The following CCDC40 variants were observed in gnomAD, a reference collection of about 807,000 sequenced individuals.
CCDC40 encodes coiled-coil domain 40 molecular ruler complex subunit.
In CCDC40, 104 loss-of-function variants were observed where a neutral mutation model predicts 124.5. That is an observed-to-expected ratio of 0.84 (90% CI 0.71 to 0.98). CCDC40 has a LOEUF of 0.98. Ranked by LOEUF, CCDC40 falls within the 50% of genes least tolerant of loss-of-function variation. The pLI is 0.00. For missense variants in CCDC40, 1,463 were observed against 1,503.9 expected (o/e 0.97, Z 0.45); for synonymous variants, 580 against 602.9 (o/e 0.96, Z 0.56).
At chr17:80,065,001 CCCT>C (rs1349142242) in intron 9 of CCDC40, among the ~76,000 whole-genome samples, 2 of 151,336 alleles carry the variant, frequency 1.3e-5, no homozygotes, top group East Asian at 3.9e-4. Flanking sequence ...GGCCAGGATC[CCCT>C]CCTCCTCTCC....
chr17:80,085,052 C>T, intron 13 of CCDC40, 64 bp downstream of exon 13: 1 of 1,587,182 alleles, frequency 6.3e-7, no homozygotes, highest in Non-Finnish European at 8.6e-7. Context: ...GGCAGAGCCC[C>T]CTCAGATCCC....
rs2038889665 is a variant in CCDC40, at chr17:80,099,892, A to G, written c.*117A>G. Reference sequence around the variant, plus strand: ...AAACCACATGTACCCTCAGAAGGGCATCGTTTAAGAGAAATAAGCCAGCCC... The same window carrying G: ...AAACCACATGTACCCTCAGAAGGGCGTCGTTTAAGAGAAATAAGCCAGCCC... On this transcript the variant is annotated 3_prime_UTR_variant, in exon 20 of 20. Transcript: ENST00000397545. The G allele has an allele frequency of 1.7e-6, 2 of 1,163,602 alleles. No individual in the cohort carries two copies. The highest frequency in any genetic ancestry group is 3.1e-5 in the African/African-American group (2 of 64,904). 72.1% of individuals were successfully genotyped at this position (1,163,602 alleles called of 1,614,324 possible). A position where few individuals can be genotyped will look rare whatever the true frequency, so the allele number is the denominator to read the frequency against.
intron 1 of CCDC40, 168 bp from the exon 2 acceptor site, chr17:80,037,955 T>G: frequency 9.9e-5 from 60 of 607,616 alleles, no homozygotes; most frequent in East Asian, 1.9e-4. Flanking sequence ...CTGACAGGCA[T>G]GATATAGTGC....
At chr17:80,088,667 C>A (rs1259269803) in intron 16 of CCDC40, among the ~76,000 whole-genome samples, 1 of 152,196 alleles carries the variant, frequency 6.6e-6, no homozygotes, top group Non-Finnish European at 1.5e-5. Context: ...ATTGGCCAGG[C>A]ATGGTGGTGC....
chr17:80,052,411 G>A (rs1013948597), intron 7 of CCDC40, among the ~76,000 whole-genome samples: 25 of 152,158 alleles, frequency 1.6e-4, no homozygotes, highest in African/African-American at 5.3e-4. Context: ...CACTCTAGCC[G>A]CACTGTCAGC....
chr17:80,037,682 T>TAAAAAA (rs1423212184), intron 1 of CCDC40, among the ~76,000 whole-genome samples: 2,139 of 95,912 alleles, frequency 0.022, 51 homozygotes, highest in Middle Eastern at 0.058. Context: ...CTTTAATTTT[T>TAAAAAA]TAAAAAAGAT....
rs76140542 is a variant in CCDC40, at chr17:80,090,398, GAAC to G, written c.2832+519_2832+521del. 3.6e-3 allele frequency: 2,829 copies of G among 780,710 alleles called. 709 individuals are homozygous for G. The highest frequency in any genetic ancestry group is 4.1e-3 in the Non-Finnish European group (2,379 of 575,390). 48.4% of individuals were successfully genotyped at this position (780,710 alleles called of 1,614,324 possible). A position where few individuals can be genotyped will look rare whatever the true frequency, so the allele number is the denominator to read the frequency against. ...CACAGGACACACACAGCACGTGCAT[GAAC>G]AACACAGGACACACACAGCACGTGC... is the stretch of plus-strand genomic sequence containing the variant. On this transcript the variant is annotated intron_variant, in intron 17 of 19. Transcript: ENST00000397545.
At chr17:80,074,229 G>A (rs982245729) in intron 10 of CCDC40, among the ~76,000 whole-genome samples, 2 of 152,156 alleles carry the variant, frequency 1.3e-5, no homozygotes, top group African/African-American at 4.8e-5. Context: ...CAAACCTTCC[G>A]GCCGGGCGCG....
intron 4 of CCDC40, 102 bp downstream of exon 4, chr17:80,047,504 C>A: frequency 7.9e-7 from 1 of 1,261,744 alleles, no homozygotes; most frequent in African/African-American, 1.5e-5. Flanking sequence ...TTACCTGTTT[C>A]CTGAGTGGCT....
At chr17:80,094,630 G>T (rs1293490690) in intron 17 of CCDC40, among the ~76,000 whole-genome samples, 1 of 152,074 alleles carries the variant, frequency 6.6e-6, no homozygotes, top group Non-Finnish European at 1.5e-5. Flanking sequence ...GGGAGGCGAA[G>T]GTTGCAGTGA....
intron 7 of CCDC40, 93 bp downstream of exon 7, chr17:80,050,376 A>G: frequency 9.9e-7 from 1 of 1,010,258 alleles, no homozygotes; most frequent in Non-Finnish European, 1.5e-6. Context: ...TAGAAAAGTA[A>G]GATGTGTGTG....
At chr17:80,063,224 CAA>C (rs1456624227) in intron 9 of CCDC40, among the ~76,000 whole-genome samples, 1 of 151,820 alleles carries the variant, frequency 6.6e-6, no homozygotes, top group African/African-American at 2.4e-5. Flanking sequence ...GATTATGAAA[CAA>C]TATATAGAAT....
chr17:80,077,172 T>C (rs886213713), intron 10 of CCDC40, among the ~76,000 whole-genome samples: 27 of 152,226 alleles, frequency 1.8e-4, no homozygotes, highest in Non-Finnish European at 3.1e-4. Flanking sequence ...TTAATTGCGG[T>C]GGCCTGCAAC....
chr17:80,080,044 G>A (rs2143729521), intron 10 of CCDC40, among the ~76,000 whole-genome samples: 1 of 152,058 alleles, frequency 6.6e-6, no homozygotes, highest in African/African-American at 2.4e-5. Context: ...TGGCCAACAT[G>A]GTGAAACCCC....
chr17:80,080,203 AAAAG>A (rs759819395), intron 10 of CCDC40, among the ~76,000 whole-genome samples: 5 of 66,408 alleles, frequency 7.5e-5, no homozygotes, highest in Non-Finnish European at 3.1e-5. Context: ...CAAAAAAAAA[AAAAG>A]AAAGAAAGGA....
At chr17:80,054,928 CTG>C (rs1194984157) in intron 7 of CCDC40, among the ~76,000 whole-genome samples, 1 of 151,420 alleles carries the variant, frequency 6.6e-6, no homozygotes, top group Non-Finnish European at 1.5e-5. Context: ...TGAGCCGAGA[CTG>C]TGCCACTGCA....
In CCDC40 at chr17:80,050,119, A is replaced by C. The variant is rs770289676; in HGVS notation, c.995A>C (p.Tyr332Ser). The change falls in exon 7 of 20, where the codon TAT becomes TCT. Residue 332 changes from tyrosine (Y) to serine (S), a missense_variant. Transcript: ENST00000397545. ...AQRQELGVNL[Y>S]EVQQHLVHLQ... The stretch of plus-strand genomic sequence containing the variant: ...CGGCAGGAGCTGGGGGTGAATCTCT[A>C]TGAGGTGCAGCAGCACCTGGTACAC... 6.2e-7 allele frequency: 1 copy of C among 1,613,928 alleles called. No individual in the cohort carries two copies. The highest frequency in any genetic ancestry group is 1.3e-5 in the African/African-American group (1 of 75,044).
chr17:80,048,768 A>C lies in CCDC40; in HGVS notation c.855+7A>C. ...GGTTTTGGACCCAGACCACGTAAGG[A>C]AGCCTTCCCAGGTTTTGCTTTTGCC... On this transcript the variant is annotated splice_region_variant and intron_variant, in intron 5 of 19. Coordinates refer to ENST00000397545, the MANE Select transcript of CCDC40 (RefSeq NM_017950.4). 1 of 1,602,194 alleles carries C rather than the reference A, an allele frequency of 6.2e-7. No individual in the cohort carries two copies. Among genetic ancestry groups the C allele is most frequent in the South Asian group, 1.1e-5 (1 of 89,560 alleles).
At chr17:80,044,706 CAAA>C (rs72238955) in intron 3 of CCDC40, among the ~76,000 whole-genome samples, 2 of 74,080 alleles carry the variant, frequency 2.7e-5, no homozygotes, top group Non-Finnish European at 2.8e-5. Flanking sequence ...AACAAACAAA[CAAA>C]AAAAAAAATA....
Sources: allele counts gnomAD v4.1 joint callset (sites outside exome capture counted in the v4.1 genomes callset), GRCh38; gene constraint gnomAD v4.1.1; transcripts MANE v1.5; gene names NCBI Gene and HGNC (gene_info 2026-07-23, HGNC 2026-07-21).